Variants in AKAP19 observed in about 807,000 individuals in gnomAD.
AKAP19 encodes the protein A-kinase anchoring protein 19.
chr2:189,942,335 G>A, the AKAP19 span, among the ~76,000 whole-genome samples: 1 of 152,132 alleles, frequency 6.6e-6, no homozygotes, highest in Non-Finnish European at 1.5e-5. Flanking sequence ...CTTCTGCCAT[G>A]ATGGTAAGCT....
chr2:190,126,424 A>C, the AKAP19 span, among the ~76,000 whole-genome samples: 2 of 151,440 alleles, frequency 1.3e-5, no homozygotes, highest in Non-Finnish European at 2.9e-5. Context: ...AGTTACCTGA[A>C]AGTATCCTTT....
chr2:189,969,546 T>C, the AKAP19 span, among the ~76,000 whole-genome samples: 1 of 151,812 alleles, frequency 6.6e-6, no homozygotes, highest in Admixed American at 6.6e-5. Flanking sequence ...CTGGCCAAGA[T>C]GGTGAAACCC....
chr2:190,026,475 T>A, the AKAP19 span, among the ~76,000 whole-genome samples: 1 of 152,154 alleles, frequency 6.6e-6, no homozygotes, highest in African/African-American at 2.4e-5. Context: ...ATAAAAATGT[T>A]AGAAGGGTGG....
chr2:189,889,643 TGGTTTA>T, the AKAP19 span, among the ~76,000 whole-genome samples: 6 of 152,226 alleles, frequency 3.9e-5, no homozygotes, highest in Admixed American at 3.3e-4. Context: ...AACTTCTTCC[TGGTTTA>T]GTCTTGGGAG....
the AKAP19 span, among the ~76,000 whole-genome samples, chr2:189,920,166 A>G: frequency 6.6e-6 from 1 of 152,184 alleles, no homozygotes; most frequent in Non-Finnish European, 1.5e-5. Flanking sequence ...ATTGTATTTT[A>G]TATTAGATTT....
the AKAP19 span, among the ~76,000 whole-genome samples, chr2:190,175,724 T>C: frequency 6.6e-6 from 1 of 152,232 alleles, no homozygotes; most frequent in African/African-American, 2.4e-5. Flanking sequence ...AAGACTACAA[T>C]GGCCTACAGT....
the AKAP19 span, among the ~76,000 whole-genome samples, chr2:190,146,537 A>C: frequency 2.0e-5 from 3 of 152,288 alleles, no homozygotes; most frequent in African/African-American, 7.2e-5. Flanking sequence ...TTGCTGGATC[A>C]AATGGTAGTT....
the AKAP19 span, among the ~76,000 whole-genome samples, chr2:189,975,060 A>G: frequency 6.6e-6 from 1 of 152,192 alleles, no homozygotes; most frequent in Non-Finnish European, 1.5e-5. Flanking sequence ...TAGTAGATGC[A>G]GTTTCTTCCT....
At chr2:189,939,531 C>T in the AKAP19 span, among the ~76,000 whole-genome samples, 1 of 152,128 alleles carries the variant, frequency 6.6e-6, no homozygotes, top group East Asian at 1.9e-4. Flanking sequence ...CGCAGACATA[C>T]AGGAAGCAAC....
chr2:189,901,696 A>G, the AKAP19 span, among the ~76,000 whole-genome samples: 1 of 152,196 alleles, frequency 6.6e-6, no homozygotes, highest in Non-Finnish European at 1.5e-5. Context: ...AAGAAGGAAC[A>G]TGGGTATTTA....
chr2:189,964,120 A>T, the AKAP19 span, among the ~76,000 whole-genome samples: 1 of 152,244 alleles, frequency 6.6e-6, no homozygotes, highest in Non-Finnish European at 1.5e-5. Context: ...CATGGGCTAC[A>T]GAATGGATGT....
At chr2:190,198,290 C>A in the AKAP19 span, among the ~76,000 whole-genome samples, 15 of 152,222 alleles carry the variant, frequency 9.9e-5, no homozygotes, top group African/African-American at 3.4e-4. Context: ...CTCTGGACAT[C>A]CTTAATTACA....
chr2:190,097,606 G>A, the AKAP19 span, among the ~76,000 whole-genome samples: 1 of 152,116 alleles, frequency 6.6e-6, no homozygotes, highest in African/African-American at 2.4e-5. Context: ...AAACTCTGCT[G>A]CAACTTTGTC....
At chr2:189,938,051 T>C in the AKAP19 span, among the ~76,000 whole-genome samples, 1 of 152,126 alleles carries the variant, frequency 6.6e-6, no homozygotes, top group Non-Finnish European at 1.5e-5. Flanking sequence ...AATGTGGTAC[T>C]TAGGCCAGGT....
chr2:190,158,415 C>T, the AKAP19 span, among the ~76,000 whole-genome samples: 396 of 152,198 alleles, frequency 2.6e-3, 5 homozygotes, highest in Admixed American at 0.023. Context: ...AAATTGGTGA[C>T]GTATTTCTCA....
the AKAP19 span, among the ~76,000 whole-genome samples, chr2:190,182,593 T>C: frequency 6.6e-6 from 1 of 152,200 alleles, no homozygotes; most frequent in Non-Finnish European, 1.5e-5. Flanking sequence ...TAAATACTAG[T>C]TTTTATGTTT....
the AKAP19 span, among the ~76,000 whole-genome samples, chr2:190,174,813 A>G: frequency 6.6e-6 from 1 of 152,244 alleles, no homozygotes; most frequent in Admixed American, 6.5e-5. Context: ...AAAAATGGTT[A>G]TCAAAATAAA....
At chr2:189,887,692 C>T in the AKAP19 span, among the ~76,000 whole-genome samples, 2 of 152,108 alleles carry the variant, frequency 1.3e-5, no homozygotes, top group Non-Finnish European at 2.9e-5. Flanking sequence ...TCTCATTGTG[C>T]TTTTCATTTG....
At chr2:189,995,530 A>G in the AKAP19 span, among the ~76,000 whole-genome samples, 8 of 152,182 alleles carry the variant, frequency 5.3e-5, no homozygotes, top group African/African-American at 1.9e-4. Context: ...GAGTCTCCTG[A>G]AGATAGAAGA....
Sources: allele counts gnomAD v4.1 joint callset (sites outside exome capture counted in the v4.1 genomes callset), GRCh38; gene constraint gnomAD v4.1.1; transcripts MANE v1.5; gene names NCBI Gene and HGNC (gene_info 2026-07-23, HGNC 2026-07-21).